CTNNA2: variants seen among roughly 807,000 people sequenced by gnomAD.
CTNNA2 encodes catenin alpha-2.
Under a neutral mutation model 101.0 loss-of-function variants are expected in CTNNA2, and 42 were observed. The observed-to-expected ratio is 0.42, with a 90% CI of 0.32 to 0.54. The LOEUF (loss-of-function observed/expected upper bound fraction) is 0.54. Ranked by LOEUF, CTNNA2 falls within the 20% of genes least tolerant of loss-of-function variation. The pLI, the probability that CTNNA2 is intolerant of heterozygous loss-of-function variation, is 0.14. For missense variants in CTNNA2, 871 were observed against 1,223.1 expected (o/e 0.71, Z 4.29); for synonymous variants, 450 against 456.4 (o/e 0.99, Z 0.18).
intron 2 of CTNNA2, among the ~76,000 whole-genome samples, chr2:79,655,640 C>T (rs1323403683): frequency 6.6e-6 from 1 of 151,944 alleles, no homozygotes; most frequent in East Asian, 1.9e-4. Context: ...ATTAGCCTGG[C>T]GAACATGGCA....
At chr2:79,645,158 T>C (rs1315678867) in intron 1 of CTNNA2, among the ~76,000 whole-genome samples, 1 of 152,022 alleles carries the variant, frequency 6.6e-6, no homozygotes, top group Non-Finnish European at 1.5e-5. Flanking sequence ...AATTTTTGTA[T>C]TTTTTGTTGT....
At chr2:80,066,078 T>G (rs1697966878) in intron 7 of CTNNA2, among the ~76,000 whole-genome samples, 1 of 152,348 alleles carries the variant, frequency 6.6e-6, no homozygotes, top group South Asian at 2.1e-4. Context: ...TGGGTACCAA[T>G]GATCCCTGCC....
At position 79,252,695 on chromosome 2, in the gene CTNNA2, A is replaced by G. The variant is rs535621342; in HGVS notation, c.-406+54619A>G. ...GAAACTGGCTGTAGATTCCTGAGCC[A>G]GCAGCACTCTATTTCTATTACACTA... On this transcript the variant is annotated intron_variant, in intron 2 of 21. Transcript: ENST00000466387. Among the ~76,000 whole-genome samples, 20 of 152,248 alleles carry G rather than the reference A, an allele frequency of 1.3e-4. No homozygotes were observed. The East Asian group carries it at 3.9e-3, about 29-fold the overall frequency.
intron 7 of CTNNA2, among the ~76,000 whole-genome samples, chr2:80,045,313 A>G (rs1334880961): frequency 6.6e-6 from 1 of 152,220 alleles, no homozygotes; most frequent in Non-Finnish European, 1.5e-5. Flanking sequence ...CCATGTTTTA[A>G]AACTACCATT....
chr2:80,483,935 A>G (rs1282622804), intron 9 of CTNNA2, among the ~76,000 whole-genome samples: 2 of 152,184 alleles, frequency 1.3e-5, no homozygotes, highest in Admixed American at 6.5e-5. Flanking sequence ...AAGGATTTGT[A>G]AGGCAATAAA....
At chr2:79,434,019 C>T (rs562235534) in intron 4 of CTNNA2, among the ~76,000 whole-genome samples, 2 of 152,154 alleles carry the variant, frequency 1.3e-5, no homozygotes, top group Admixed American at 1.3e-4. Flanking sequence ...TAAGGCCTGG[C>T]GCAGCAGCTC....
chr2:80,647,477 ATT>A (rs1674233747), intron 18 of CTNNA2, 106 bp from the exon 19 acceptor site: 1 of 1,004,792 alleles, frequency 1.0e-6, no homozygotes, highest in Non-Finnish European at 1.5e-6. Context: ...CAGCAATACT[ATT>A]TATTTGCACA....
At position 80,236,358 on chromosome 2, in the gene CTNNA2, A is replaced by G. The variant is rs553520428; in HGVS notation, c.1057-156853A>G. 4.6e-5 allele frequency among the ~76,000 whole-genome samples: 7 copies of G among 152,308 alleles called. No homozygotes were observed. The South Asian group carries it at 1.2e-3, about 27-fold the overall frequency. Reference sequence around the variant, plus strand: ...GGGATTGCTCGTTCGGATGATGGCAATCCCACTTTCTGTATCTTGCACTGA... The same window carrying G: ...GGGATTGCTCGTTCGGATGATGGCAGTCCCACTTTCTGTATCTTGCACTGA... On this transcript the variant is annotated intron_variant, in intron 7 of 18. Transcript: ENST00000402739.
intron 7 of CTNNA2, among the ~76,000 whole-genome samples, chr2:79,938,084 T>A (rs560705616): frequency 6.6e-6 from 1 of 152,128 alleles, no homozygotes; most frequent in Non-Finnish European, 1.5e-5. Context: ...GAAAAAAGCC[T>A]AGAACAGTGG....
intron 7 of CTNNA2, among the ~76,000 whole-genome samples, chr2:80,043,156 TCC>T (rs1696277611): frequency 6.7e-5 from 6 of 89,918 alleles, no homozygotes; most frequent in African/African-American, 2.6e-4. Context: ...CTTCCTTCCT[TCC>T]TTCCTTCCTT....
chr2:79,427,723 G>T (rs1359349263), intron 4 of CTNNA2, among the ~76,000 whole-genome samples: 1 of 151,630 alleles, frequency 6.6e-6, no homozygotes, highest in Non-Finnish European at 1.5e-5. Context: ...TTACACTCCT[G>T]GTTGTCATCT....
At chr2:79,823,829 A>C (rs577907915) in intron 3 of CTNNA2, among the ~76,000 whole-genome samples, 1 of 152,252 alleles carries the variant, frequency 6.6e-6, no homozygotes, top group East Asian at 1.9e-4. Context: ...CCACCTCACA[A>C]ATATCACCAA....
chr2:80,328,222 T>C, intron 7 of CTNNA2: 2 of 465,948 alleles, frequency 4.3e-6, no homozygotes, highest in South Asian at 3.1e-5. Flanking sequence ...GTTTTGTCAT[T>C]ATCTGTCTTT....
chr2:79,651,119 G>C (rs1466601782), intron 1 of CTNNA2, among the ~76,000 whole-genome samples: 3 of 152,192 alleles, frequency 2.0e-5, no homozygotes, highest in Non-Finnish European at 4.4e-5. Context: ...CGATTCCTCA[G>C]GGATCTAGAA....
intron 3 of CTNNA2, among the ~76,000 whole-genome samples, chr2:79,769,374 G>C (rs1673412698): frequency 6.6e-6 from 1 of 152,278 alleles, no homozygotes; most frequent in African/African-American, 2.4e-5. Context: ...AGACTGAAGT[G>C]TTAAAGCTGG....
chr2:79,631,683 C>A (rs895418300), intron 1 of CTNNA2, among the ~76,000 whole-genome samples: 2 of 152,108 alleles, frequency 1.3e-5, no homozygotes, highest in Non-Finnish European at 2.9e-5. Context: ...TTTAGAGCAC[C>A]CAGTGCCTTC....
At chr2:79,976,604 C>CTTTT (rs1344581161) in intron 7 of CTNNA2, among the ~76,000 whole-genome samples, 5 of 152,178 alleles carry the variant, frequency 3.3e-5, no homozygotes, top group African/African-American at 1.2e-4. Flanking sequence ...ATTTTAAGGG[C>CTTTT]TTTTGTATCA....
intron 15 of CTNNA2, among the ~76,000 whole-genome samples, chr2:80,598,211 A>AACC: frequency 6.6e-6 from 1 of 152,082 alleles, no homozygotes. Flanking sequence ...AAGGAACAAA[A>AACC]AAACACCACA....
At chr2:80,380,091 C>A (rs1021828552) in intron 7 of CTNNA2, among the ~76,000 whole-genome samples, 3 of 133,616 alleles carry the variant, frequency 2.2e-5, no homozygotes, top group Admixed American at 8.8e-5. Context: ...GGCTGGAGTG[C>A]AGTGGCACGA....
Sources: allele counts gnomAD v4.1 joint callset (sites outside exome capture counted in the v4.1 genomes callset), GRCh38; gene constraint gnomAD v4.1.1; transcripts MANE v1.5; gene names NCBI Gene and HGNC (gene_info 2026-07-23, HGNC 2026-07-21).